PKHD1L1: variants seen among roughly 807,000 people sequenced by gnomAD.
PKHD1L1 encodes the protein fibrocystin-L.
Under a neutral mutation model 462.9 loss-of-function variants are expected in PKHD1L1, and 434 were observed. That is an observed-to-expected ratio of 0.94 (90% CI 0.87 to 1.02). PKHD1L1 has a LOEUF of 1.02. PKHD1L1 is among the 50% of genes least tolerant of loss of function. PKHD1L1 has a pLI of 0.00. For missense variants in PKHD1L1, 5,202 were observed against 5,096.1 expected, an observed-to-expected ratio of 1.02 and a Z score of -0.63; for synonymous variants, 1,781 against 1,750.0, an observed-to-expected ratio of 1.02 and a Z score of -0.44.
At chr8:109,498,943 T>C (rs1819263679) in intron 67 of PKHD1L1, 172 bp downstream of exon 67, 2 of 640,802 alleles carry the variant, frequency 3.1e-6, no homozygotes, top group Admixed American at 3.1e-5. Context: ...AATGGTTTCT[T>C]GGCAGGATTC....
At chr8:109,507,620 T>C (rs1819755289) in intron 68 of PKHD1L1, 43 bp from the exon 69 acceptor site, 2 of 1,511,850 alleles carry the variant, frequency 1.3e-6, no homozygotes, top group Middle Eastern at 1.7e-4. Flanking sequence ...TTCATATTGC[T>C]CTCTAGAAAC....
chr8:109,524,189 C>T (rs547191592), intron 76 of PKHD1L1, among the ~76,000 whole-genome samples: 47 of 152,224 alleles, frequency 3.1e-4, no homozygotes, highest in African/African-American at 1.1e-3. Flanking sequence ...TTTGTCCCAA[C>T]TCAGGGCCTA....
chr8:109,450,830 AC>A, intron 40 of PKHD1L1, 144 bp from the exon 41 acceptor site: 1 of 750,964 alleles, frequency 1.3e-6, no homozygotes, highest in Non-Finnish European at 2.0e-6. Context: ...CTAGAGGGCC[AC>A]TATTATTCAC....
At chr8:109,406,918 C>A (rs971613552) in intron 17 of PKHD1L1, among the ~76,000 whole-genome samples, 4 of 144,434 alleles carry the variant, frequency 2.8e-5, no homozygotes, top group Admixed American at 7.4e-5. Context: ...CCTGAGGAGT[C>A]CTGCAGTATT....
intron 23 of PKHD1L1, among the ~76,000 whole-genome samples, chr8:109,421,085 A>G (rs1405873226): frequency 6.6e-6 from 1 of 152,052 alleles, no homozygotes; most frequent in Admixed American, 6.5e-5. Flanking sequence ...AATTTATACA[A>G]GGGAAGAAAG....
intron 42 of PKHD1L1, 59 bp downstream of exon 42, chr8:109,452,339 G>T: frequency 1.5e-6 from 2 of 1,370,296 alleles, no homozygotes; most frequent in South Asian, 4.2e-5. Flanking sequence ...TATGGGAGGT[G>T]GGCTAATTGG....
At position 109,385,071 on chromosome 8, in the gene PKHD1L1, G is replaced by A. The variant is rs188136251; in HGVS notation, c.476-466G>A. ...TATTATCACATCTATAGATCTTAAC[G>A]TTTGTTGTTTTTTCTTCATTTTTAA... On this transcript the variant is annotated intron_variant, in intron 5 of 77. Transcript: ENST00000378402. Among the ~76,000 whole-genome samples the A allele has an allele frequency of 3.2e-3, 478 of 151,640 alleles. 3 individuals carry two copies. Among genetic ancestry groups the A allele is most frequent in the Non-Finnish European group, 5.2e-3 (354 of 67,848 alleles).
intron 76 of PKHD1L1, among the ~76,000 whole-genome samples, chr8:109,525,910 T>C (rs1434161048): frequency 6.6e-6 from 1 of 152,160 alleles, no homozygotes; most frequent in Non-Finnish European, 1.5e-5. Context: ...AATTATATTC[T>C]TTTCCTAAAA....
intron 65 of PKHD1L1, among the ~76,000 whole-genome samples, chr8:109,497,817 A>G (rs1819192876): frequency 6.6e-6 from 1 of 151,862 alleles, no homozygotes; most frequent in South Asian, 2.1e-4. Context: ...CACTCCCTCT[A>G]TGAAGTTTTT....
intron 9 of PKHD1L1, among the ~76,000 whole-genome samples, chr8:109,394,126 A>C (rs888764263): frequency 2.2e-5 from 3 of 136,216 alleles, no homozygotes; most frequent in Non-Finnish European, 4.6e-5. Context: ...GTGAGCCAGG[A>C]TTGCACCACT....
At chr8:109,397,145 A>C (rs1813018728) in intron 11 of PKHD1L1, among the ~76,000 whole-genome samples, 1 of 152,268 alleles carries the variant, frequency 6.6e-6, no homozygotes, top group South Asian at 2.1e-4. Flanking sequence ...TCTTATGTTT[A>C]TTTTGCATAC....
chr8:109,486,818 A>C lies in PKHD1L1; in HGVS notation c.9877A>C (p.Lys3293Gln). ...GSFTENMMTF[K>Q]GNARISNVEF... ...ATTCACTGAAAATATGATGACATTT[A>C]AAGGTTGGTATCAATTCAGTTTATT... The change falls in exon 59 of 78, where the codon AAA (lysine) becomes CAA (glutamine). Residue 3293 changes from lysine (K) to glutamine (Q), a missense_variant. Lys to Gln is a moderately conservative substitution (Grantham distance 53). Around this residue, in one of 3 missense-constraint regions of PKHD1L1, gnomAD observed 4,497 missense variants for 4,336.8 expected, o/e 1.04. Transcript: ENST00000378402. 6.2e-7 allele frequency: 1 copy of C among 1,611,332 alleles called. No individual in the cohort carries two copies.
intron 56 of PKHD1L1, among the ~76,000 whole-genome samples, chr8:109,482,026 C>T (rs564430895): frequency 6.6e-6 from 1 of 151,888 alleles, no homozygotes; most frequent in South Asian, 2.1e-4. Context: ...CAATCAATTA[C>T]CCAATCACAG....
rs1196760826 is a variant in PKHD1L1 at position 109,389,150 on chromosome 8, T to C, written c.695T>C (p.Ile232Thr). The C allele has an allele frequency of 3.1e-6, 5 of 1,602,498 alleles. No homozygotes were observed. The East Asian group carries it at 6.7e-5, about 22-fold the overall frequency. ...GTTTGTAAGACGACTGGAACTTTTA[T>C]TGGCAAGTGTTGGTCATCTTTCTTC... The part of the protein sequence containing the change: ...SMVCKTTGTF[I>T]GHHNVSFILD... Residue 232 changes from isoleucine (I) to threonine (T), a missense_variant and splice_region_variant, in exon 8 of 78, where the codon ATT becomes ACT. By Grantham distance (89) the Ile-to-Thr change is moderately conservative (BLOSUM62 -1). Around this residue, in one of 3 missense-constraint regions of PKHD1L1, gnomAD observed 4,497 missense variants for 4,336.8 expected, o/e 1.04. Transcript: ENST00000378402.
intron 27 of PKHD1L1, among the ~76,000 whole-genome samples, chr8:109,431,081 C>T (rs990655746): frequency 1.3e-5 from 2 of 151,890 alleles, no homozygotes; most frequent in African/African-American, 4.8e-5. Flanking sequence ...GATTCTCCCA[C>T]CTCAGCCTCC....
Position 109,406,482 on chromosome 8 carries a change from A to C in PKHD1L1, c.1813+4A>C. The C allele has an allele frequency of 5.0e-6, 8 of 1,590,740 alleles. No individual in the cohort carries two copies. Among genetic ancestry groups the C allele is most frequent in the Non-Finnish European group, 6.8e-6 (8 of 1,169,036 alleles). ...GTAACATTCATATCAACTAGAGGTA[A>C]GCATGTACTTAATTTTGTACTTCTG... On this transcript the variant is annotated splice_donor_region_variant and intron_variant, in intron 17 of 77. Coordinates refer to ENST00000378402, the MANE Select transcript of PKHD1L1 (RefSeq NM_177531.6).
rs768027128 is a variant in PKHD1L1 at position 109,382,439 on chromosome 8, A to G, written c.309-24A>G. ...AAATAAGAGAGGAATTGCATGTCTC[A>G]TATATTCTTCATTTTCTTTATAGAG... On this transcript the variant is annotated intron_variant, in intron 3 of 77. Transcript: ENST00000378402. 8 of 1,564,786 alleles carry G rather than the reference A, an allele frequency of 5.1e-6. No individual in the cohort carries two copies. The Middle Eastern group carries it at 5.1e-4, about 99-fold the overall frequency.
chr8:109,392,124 G>A (rs1210614895), intron 9 of PKHD1L1, among the ~76,000 whole-genome samples: 3 of 152,094 alleles, frequency 2.0e-5, no homozygotes, highest in African/African-American at 7.2e-5. Flanking sequence ...TTTGTTGAAC[G>A]TATTAGAAAA....
chr8:109,427,265 A>G (rs1814806922), intron 25 of PKHD1L1, 109 bp downstream of exon 25: 6 of 856,752 alleles, frequency 7.0e-6, no homozygotes, highest in South Asian at 1.6e-5. Flanking sequence ...AAAAATTCAA[A>G]CCATAAACTA....
Sources: allele counts gnomAD v4.1 joint callset (sites outside exome capture counted in the v4.1 genomes callset), GRCh38; gene constraint gnomAD v4.1.1; regional missense constraint gnomAD v4.1.1; transcripts MANE v1.5; gene names NCBI Gene and HGNC (gene_info 2026-07-23, HGNC 2026-07-21).